Variants in DBN1 observed in about 807,000 individuals in gnomAD.
The protein encoded by DBN1 is drebrin 1.
In DBN1, 21 loss-of-function variants were observed where a neutral mutation model predicts 83.5. The ratio of observed to expected loss-of-function variants is 0.25; its 90% CI spans 0.18 to 0.36. DBN1 has a LOEUF of 0.36. DBN1 is among the 10% of genes least tolerant of loss of function. The pLI is 1.00. For synonymous variants in DBN1, 381 were observed against 384.9 expected (o/e 0.99, Z 0.12); for missense variants, 874 against 935.7 (o/e 0.93, Z 0.86).
rs570852313 is a variant in DBN1, at chr5:177,457,302, C to A, written c.*131G>T. On this transcript the variant is annotated 3_prime_UTR_variant, in exon 15 of 15. Transcript: ENST00000393565. ...CTGTGGGTAGGGAAGCGGCCAAGTCCCCAGCCAGGGCCGGAATCCGGAGTG... is the reference window on the plus strand; with the variant it reads ...CTGTGGGTAGGGAAGCGGCCAAGTCACCAGCCAGGGCCGGAATCCGGAGTG... The A allele has an allele frequency of 7.2e-5, 56 of 775,202 alleles. No homozygotes were observed. The highest frequency in any genetic ancestry group is 4.1e-4 in the Admixed American group (21 of 50,988). 48.0% of individuals were successfully genotyped at this position (775,202 alleles called of 1,614,324 possible).
At chr5:177,461,092 T>G (rs889616291) in intron 8 of DBN1, among the ~76,000 whole-genome samples, 19 of 128,764 alleles carry the variant, frequency 1.5e-4, no homozygotes, top group South Asian at 2.4e-4. Flanking sequence ...CCTTCTGGCC[T>G]TCTTTTTTTT....
At chr5:177,460,106 C>T (rs1160979247) in intron 10 of DBN1, among the ~76,000 whole-genome samples, 4 of 152,224 alleles carry the variant, frequency 2.6e-5, no homozygotes, top group African/African-American at 4.8e-5. Context: ...GAGCCCAGCA[C>T]GCATGCATTC....
rs767102046 is a variant in DBN1, at chr5:177,457,660, G to A, written c.2012C>T (p.Pro671Leu). Residue 671 changes from proline (P) to leucine (L), a missense_variant, in exon 14 of 15, where the codon CCT becomes CTT. This residue lies in a region of DBN1 where 725 missense variants were observed against 719.7 expected (regional missense o/e 1.01). Coordinates refer to ENST00000393565, the MANE Select transcript of DBN1 (RefSeq NM_001363541.2). ...ATCATCCAGCCCAGTACTACCTGGAGGCTTGTTGTAGAACACAGGAGGCGG... is the reference window on the plus strand; with the variant it reads ...ATCATCCAGCCCAGTACTACCTGGAAGCTTGTTGTAGAACACAGGAGGCGG... ...KAPPPVFYNK[P>L]PEIDITCWDA... 3 of 1,597,772 alleles carry A rather than the reference G, an allele frequency of 1.9e-6. No homozygotes were observed. The highest frequency in any genetic ancestry group is 1.3e-5 in the African/African-American group (1 of 74,724).
chr5:177,472,991 G>A lies in DBN1; in HGVS notation c.86+445C>T, dbSNP rs192148956. 2.1e-3 allele frequency: 602 copies of A among 282,284 alleles called. 1 individual carries two copies. Among genetic ancestry groups the A allele is most frequent in the Non-Finnish European group, 2.9e-3 (549 of 187,488 alleles). 17.5% of individuals were successfully genotyped at this position (282,284 alleles called of 1,614,324 possible). A position where few individuals can be genotyped will look rare whatever the true frequency, so the allele number is the denominator to read the frequency against. On this transcript the variant is annotated intron_variant, in intron 1 of 14. Transcript: ENST00000393565. ...GCTGTGGCCGGGCCGGGCTGAGCCG[G>A]GCAGGCTGCGCTGGCTCCGCTAGCT...
chr5:177,468,744 G>T, intron 2 of DBN1, 100 bp downstream of exon 2: 1 of 698,338 alleles, frequency 1.4e-6, no homozygotes, highest in South Asian at 5.0e-5. Context: ...GGGGCTGCAG[G>T]GTGCAGGCAG....
chr5:177,471,981 A>G, intron 1 of DBN1: 1 of 959,656 alleles, frequency 1.0e-6, no homozygotes, highest in Non-Finnish European at 1.5e-6. Context: ...GCCTTATCCC[A>G]AAGCCAGCTC....
At chr5:177,458,737 A>T in intron 12 of DBN1, 30 bp from the exon 13 acceptor site, 1 of 1,478,018 alleles carries the variant, frequency 6.8e-7, no homozygotes, top group Non-Finnish European at 8.9e-7. Context: ...GGAGATATGT[A>T]ACCGGCTCCC....
chr5:177,459,083 G>A lies in DBN1; in HGVS notation c.1264+15C>T. ...GATGATGGGAGGCCTGGTGCAGGTA[G>A]CATCCCTCTCTCACCTTGGGCTGGT... On this transcript the variant is annotated intron_variant, in intron 12 of 14. Transcript: ENST00000393565. 1 of 1,593,168 alleles carries A rather than the reference G, an allele frequency of 6.3e-7. No homozygotes were observed. The highest frequency in any genetic ancestry group is 1.1e-5 in the South Asian group (1 of 88,582).
chr5:177,467,215 T>C lies in DBN1; in HGVS notation c.555+40A>G. On this transcript the variant is annotated intron_variant, in intron 6 of 14. Coordinates refer to ENST00000393565, the MANE Select transcript of DBN1 (RefSeq NM_001363541.2). This position sits in a 1 kb window ranked among gnomAD's most constrained non-coding sequence, Gnocchi z 9.1. ...ACTCAGACCTGCCCCATGGGGTCCA[T>C]GAGGGGTGGCTCAGCCAGGCCGGGC... 4 of 1,612,324 alleles carry C rather than the reference T, an allele frequency of 2.5e-6. No homozygotes were observed. Among genetic ancestry groups the C allele is most frequent in the Admixed American group, 1.7e-5 (1 of 60,026 alleles).
rs561252660 is a variant in DBN1, at chr5:177,467,544, C to T, written c.414G>A (p.Ala138=). The T allele has an allele frequency of 1.1e-5, 18 of 1,565,394 alleles. No homozygotes were observed. The highest frequency in any genetic ancestry group is 8.1e-5 in the African/African-American group (6 of 73,658). ...GGTGCAGCACAGGGCTGGAGAGTCG[C>T]GCCAGCCCGTTAGAGAGCCGCTGCC... ...AIGQRLSNGL[A]RLSSPVLHRL... The change falls in exon 5 of 15, where the codon GCG becomes GCA. Residue 138 remains alanine (A), a synonymous_variant. Transcript: ENST00000393565. This position sits in a 1 kb window ranked among gnomAD's most constrained non-coding sequence, Gnocchi z 9.1.
chr5:177,460,577 T>TGGGGC, intron 9 of DBN1, 22 bp from the exon 10 acceptor site: 1 of 1,614,122 alleles, frequency 6.2e-7, no homozygotes, highest in African/African-American at 1.3e-5. Flanking sequence ...AGGAAAAGGT[T>TGGGGC]GGGGCTGGGC....
Position 177,467,046 on chromosome 5 carries a change from C to T in DBN1, c.572G>A (p.Arg191Gln), listed in dbSNP as rs1177464532. ...GGCCTTCTTCCGCTCCTCCTCCTTC[C>T]GCAGCTCTTCTTCCTTCTGCAAGCC... Reference protein sequence around the residue: ...WEQAKKEEELRKEEERKKALD... With the variant: ...WEQAKKEEELQKEEERKKALD... The change falls in exon 7 of 15, where the codon CGG (arginine) becomes CAG (glutamine). Residue 191 changes from arginine (R) to glutamine (Q), a missense_variant. Coordinates refer to ENST00000393565, the MANE Select transcript of DBN1 (RefSeq NM_001363541.2). The surrounding 1 kb of genome is among the most constrained non-coding windows in gnomAD (Gnocchi z 9.1). 17 of 1,613,748 alleles carry T rather than the reference C, an allele frequency of 1.1e-5. No homozygotes were observed. The highest frequency in any genetic ancestry group is 1.4e-5 in the Non-Finnish European group (16 of 1,179,948).
At position 177,456,981 on chromosome 5, in the gene DBN1, A is replaced by T. The variant is rs1756543009; in HGVS notation, c.*452T>A. ...TTGCCATGTTTTAAAATTCGTGCAA[A>T]ATATCTGAAGCCCTGGACAGAGAAT... is the stretch of plus-strand genomic sequence containing the variant. On this transcript the variant is annotated 3_prime_UTR_variant, in exon 15 of 15. Transcript: ENST00000393565. 6.3e-6 allele frequency: 1 copy of T among 157,526 alleles called. No individual in the cohort carries two copies. Among genetic ancestry groups the T allele is most frequent in the Non-Finnish European group, 1.4e-5 (1 of 70,922 alleles). 9.8% of individuals were successfully genotyped at this position (157,526 alleles called of 1,614,324 possible).
chr5:177,468,579 A>G, intron 2 of DBN1: 1 of 438,992 alleles, frequency 2.3e-6, no homozygotes. Context: ...CCCTTCCCCC[A>G]AAGTGTCCCA....
At chr5:177,458,808 G>A (rs1356843310) in intron 12 of DBN1, 101 bp from the exon 13 acceptor site, 10 of 1,213,892 alleles carry the variant, frequency 8.2e-6, no homozygotes, top group Non-Finnish European at 1.0e-5. Context: ...GGACTTCCAT[G>A]CAGGTGTCCC....
At chr5:177,468,043 GC>G (rs1757588856) in intron 3 of DBN1, 64 bp downstream of exon 3, 1 of 685,020 alleles carries the variant, frequency 1.5e-6, no homozygotes, top group African/African-American at 1.8e-5. Context: ...CCCAGCCCCG[GC>G]CGCATACCCA....
intron 14 of DBN1, 73 bp downstream of exon 14, chr5:177,457,582 G>A (rs1457737438): frequency 7.2e-6 from 11 of 1,525,020 alleles, no homozygotes; most frequent in Middle Eastern, 3.4e-4. Context: ...GGTGGGTAGT[G>A]GTGGGGTGGC....
rs938242668 is a variant in DBN1, at chr5:177,473,560, A to G, written c.-39T>C. On this transcript the variant is annotated 5_prime_UTR_variant, in exon 1 of 15. Transcript: ENST00000393565. ...CCGGGCCGAACGGACAGACGCGCGG[A>G]CGGACGGGCGGACGGAGGAGGAGGG... 4.2e-5 allele frequency: 50 copies of G among 1,193,214 alleles called. No homozygotes were observed. Among genetic ancestry groups the G allele is most frequent in the Non-Finnish European group, 4.8e-5 (45 of 941,070 alleles). 73.9% of individuals were successfully genotyped at this position (1,193,214 alleles called of 1,614,324 possible). A position where few individuals can be genotyped will look rare whatever the true frequency, so the allele number is the denominator to read the frequency against.
At chr5:177,462,115 C>T (rs1054164891) in intron 8 of DBN1, 16 of 621,954 alleles carry the variant, frequency 2.6e-5, no homozygotes, top group African/African-American at 1.6e-4. Flanking sequence ...CCACTGCACA[C>T]GTTGTTTTGG....
Sources: gnomAD v4.1 joint callset for allele counts (sites outside exome capture counted in the v4.1 genomes callset) on GRCh38, gnomAD v4.1.1 for gene constraint, gnomAD v4.1.1 regional missense constraint, Gnocchi (gnomAD v3.1) non-coding constraint, MANE v1.5 for transcripts, NCBI Gene and HGNC (gene_info 2026-07-23, HGNC 2026-07-21) for gene names.